The following ELL2 variants were observed in gnomAD, a reference collection of about 807,000 sequenced individuals.
ELL2 encodes the protein elongation factor for RNA polymerase II 2, also known as RNA polymerase II elongation factor ELL2.
Under a neutral mutation model 72.8 loss-of-function variants are expected in ELL2, and 21 were observed. That is an observed-to-expected ratio of 0.29 (90% CI 0.20 to 0.42). The LOEUF (loss-of-function observed/expected upper bound fraction) is 0.42. Ranked by LOEUF, ELL2 falls within the 10% of genes least tolerant of loss-of-function variation. The pLI is 1.00. For missense variants in ELL2, 568 were observed against 772.8 expected (o/e 0.73, Z 3.14); for synonymous variants, 266 against 283.2 (o/e 0.94, Z 0.61).
At chr5:95,927,387 GTA>G (rs768690663) in intron 2 of ELL2, among the ~76,000 whole-genome samples, 791 of 56,856 alleles carry the variant, frequency 0.014, 137 homozygotes, top group African/African-American at 0.044. Context: ...ACACACGTGT[GTA>G]TATATAGACA....
rs1309978552 is a variant in ELL2, at chr5:95,906,613, C to T, written c.651G>A (p.Lys217=). ...CAAGTAGCTCCGGTTTCTTGTAGGCCTTCAGGGCCAGTAAGTGAATCACCC... is the reference window on the plus strand; with the variant it reads ...CAAGTAGCTCCGGTTTCTTGTAGGCTTTCAGGGCCAGTAAGTGAATCACCC... ...RDRVIHLLAL[K]AYKKPELLAR... is the part of the protein sequence containing the mutation. The change falls in exon 5 of 12, where the codon AAG becomes AAA. Residue 217 remains lysine (K), a synonymous_variant. Transcript: ENST00000237853. 1 of 1,613,974 alleles carries T rather than the reference C, an allele frequency of 6.2e-7. No individual in the cohort carries two copies. The highest frequency in any genetic ancestry group is 1.3e-5 in the African/African-American group (1 of 74,912).
At chr5:95,958,789 C>A (rs559475142) in intron 1 of ELL2, among the ~76,000 whole-genome samples, 91 of 152,256 alleles carry the variant, frequency 6.0e-4, no homozygotes, top group Middle Eastern at 6.8e-3. Context: ...CCCTTTGCTG[C>A]CTCTGTAGAG....
At chr5:95,941,494 G>C (rs1750967334) in intron 2 of ELL2, among the ~76,000 whole-genome samples, 1 of 152,064 alleles carries the variant, frequency 6.6e-6, no homozygotes, top group African/African-American at 2.4e-5. Context: ...AAACTGCAAG[G>C]GTCAGAATGG....
rs148865091 is a variant in ELL2 at position 95,959,680 on chromosome 5, T to C, written c.147+1895A>G. On this transcript the variant is annotated intron_variant, in intron 1 of 11. Coordinates refer to ENST00000237853, the MANE Select transcript of ELL2 (RefSeq NM_012081.6). ...TCTCTCCCAGCCATTCTTGAGATTTTCTCTCGAGATTTCACTGTATGTAGG... is the reference window on the plus strand; with the variant it reads ...TCTCTCCCAGCCATTCTTGAGATTTCCTCTCGAGATTTCACTGTATGTAGG... 6.4e-4 allele frequency among the ~76,000 whole-genome samples: 98 copies of C among 152,324 alleles called. 4 individuals are homozygous for C. The East Asian group carries it at 0.014, about 21-fold the overall frequency.
At chr5:95,949,686 T>C (rs1235807083) in intron 1 of ELL2, among the ~76,000 whole-genome samples, 2 of 141,342 alleles carry the variant, frequency 1.4e-5, no homozygotes, top group Admixed American at 7.0e-5. Context: ...TTATAAGCCA[T>C]GATAAAGATA....
chr5:95,929,978 A>G (rs771725113), intron 2 of ELL2, among the ~76,000 whole-genome samples: 3 of 152,174 alleles, frequency 2.0e-5, no homozygotes, highest in Non-Finnish European at 4.4e-5. Context: ...CTTCGTCTTT[A>G]TTAAAACACT....
intron 2 of ELL2, among the ~76,000 whole-genome samples, chr5:95,923,017 C>T (rs1386048105): frequency 6.6e-6 from 1 of 152,116 alleles, no homozygotes; most frequent in Non-Finnish European, 1.5e-5. Flanking sequence ...CCTCCAATTA[C>T]GCAGTACAAA....
chr5:95,941,643 C>T (rs973217161), intron 2 of ELL2, among the ~76,000 whole-genome samples: 1 of 152,164 alleles, frequency 6.6e-6, no homozygotes, highest in Non-Finnish European at 1.5e-5. Flanking sequence ...AACCCTACTG[C>T]TCCTAGTAAG....
In ELL2 at chr5:95,943,068, G is replaced by T. The variant is rs367822647; in HGVS notation, c.148-19C>A. The T allele has an allele frequency of 1.1e-5, 17 of 1,592,442 alleles. No individual in the cohort carries two copies. In the African/African-American group the frequency reaches 2.2e-4, roughly 20 times the overall value. On this transcript the variant is annotated intron_variant, in intron 1 of 11. Coordinates refer to ENST00000237853, the MANE Select transcript of ELL2 (RefSeq NM_012081.6). ...TTAAATTCTATTAAAAGAAACAAAA[G>T]AAACAAACAGGTAAACCTTGGTTAC...
intron 1 of ELL2, among the ~76,000 whole-genome samples, chr5:95,943,659 G>A (rs1390408384): frequency 1.3e-5 from 2 of 152,124 alleles, no homozygotes; most frequent in East Asian, 3.8e-4. Context: ...GAATAAACCT[G>A]TTTGCTATTT....
chr5:95,959,466 G>A (rs1751733538), intron 1 of ELL2, among the ~76,000 whole-genome samples: 1 of 152,118 alleles, frequency 6.6e-6, no homozygotes, highest in Non-Finnish European at 1.5e-5. Flanking sequence ...GAACAGGCAA[G>A]CTTATCTTTC....
At chr5:95,905,766 G>A (rs562962803) in intron 5 of ELL2, among the ~76,000 whole-genome samples, 1 of 146,272 alleles carries the variant, frequency 6.8e-6, no homozygotes, top group African/African-American at 2.5e-5. Flanking sequence ...TTTTTTAAAT[G>A]ATGAGATTCA....
intron 8 of ELL2, among the ~76,000 whole-genome samples, chr5:95,896,909 C>G (rs1210088527): frequency 1.3e-5 from 2 of 152,176 alleles, no homozygotes; most frequent in Non-Finnish European, 2.9e-5. Flanking sequence ...GAAGCACCAC[C>G]TGAGGGTGGA....
At chr5:95,919,678 G>T in intron 2 of ELL2, 133 bp from the exon 3 acceptor site, 1 of 979,854 alleles carries the variant, frequency 1.0e-6, no homozygotes, top group Non-Finnish European at 1.4e-6. Context: ...CATCCTCGCA[G>T]CATTTAAATG....
chr5:95,949,700 C>CA (rs56376316), intron 1 of ELL2, among the ~76,000 whole-genome samples: 2,132 of 132,206 alleles, frequency 0.016, 23 homozygotes, highest in South Asian at 0.037. Flanking sequence ...AAAGATACTG[C>CA]AAAAAAAAAA....
chr5:95,915,642 G>A (rs1458017), intron 3 of ELL2, among the ~76,000 whole-genome samples: 53,019 of 151,998 alleles, frequency 0.35, 10,766 homozygotes, highest in African/African-American at 0.56. Flanking sequence ...ATTCCAGGGA[G>A]CAGAGGACTC....
At chr5:95,927,392 T>G (rs1057479195) in intron 2 of ELL2, among the ~76,000 whole-genome samples, 7 of 40,708 alleles carry the variant, frequency 1.7e-4, no homozygotes, top group South Asian at 2.9e-3. Flanking sequence ...CGTGTGTATA[T>G]ATAGACATAC....
chr5:95,940,309 T>A (rs1420401215), intron 2 of ELL2, among the ~76,000 whole-genome samples: 1 of 152,240 alleles, frequency 6.6e-6, no homozygotes, highest in Admixed American at 6.5e-5. Flanking sequence ...CATATTGCTA[T>A]ACTTTAATAT....
At chr5:95,927,376 CACACACGTGTGTATATATAGACAT>C (rs1283385971) in intron 2 of ELL2, among the ~76,000 whole-genome samples, 1,047 of 84,244 alleles carry the variant, frequency 0.012, 224 homozygotes, top group African/African-American at 0.064. Flanking sequence ...GACATACACA[CACACACGTGTGTATATATAGACAT>C]ACACACACGT....
Sources: gnomAD v4.1 joint callset for allele counts (sites outside exome capture counted in the v4.1 genomes callset) on GRCh38, gnomAD v4.1.1 for gene constraint, MANE v1.5 for transcripts, NCBI Gene and HGNC (gene_info 2026-07-23, HGNC 2026-07-21) for gene names.